Variants in BCAP29 observed in about 807,000 individuals in gnomAD.
The protein encoded by BCAP29 is B cell receptor associated protein 29.
A neutral mutation model predicts 31.8 loss-of-function variants in BCAP29; 34 were observed. That is an observed-to-expected ratio of 1.07 (90% CI 0.81 to 1.42). BCAP29 has a LOEUF of 1.42. Ranked by LOEUF, BCAP29 falls within the 40% of genes most tolerant of loss-of-function variation. The pLI is 0.00. For missense variants in BCAP29, 314 were observed against 269.2 expected, an observed-to-expected ratio of 1.17 and a Z score of -1.16; for synonymous variants, 104 against 91.3, an observed-to-expected ratio of 1.14 and a Z score of -0.79.
rs1203117226 is a variant in BCAP29, at chr7:107,619,991, A to G, written c.*1628A>G. ...ATAAAATTTAGGTCAGGATTACTAT[A>G]TAAACTAAGATAATACAGTGATTCT... is the stretch of plus-strand genomic sequence containing the variant. On this transcript the variant is annotated 3_prime_UTR_variant, in exon 8 of 8. Coordinates refer to ENST00000005259, the MANE Select transcript of BCAP29 (RefSeq NM_018844.4). 6.6e-6 allele frequency: 1 copy of G among 152,226 alleles called. No individual in the cohort carries two copies. Among genetic ancestry groups the G allele is most frequent in the Non-Finnish European group, 1.5e-5 (1 of 68,044 alleles). The allele number at this position is 152,226 out of a possible 1,614,324, so 9.4% of individuals were successfully genotyped here. A position where few individuals can be genotyped will look rare whatever the true frequency, so the allele number is the denominator to read the frequency against.
At chr7:107,583,512 C>A (rs1807079705) in intron 2 of BCAP29, among the ~76,000 whole-genome samples, 1 of 152,034 alleles carries the variant, frequency 6.6e-6, no homozygotes, top group Non-Finnish European at 1.5e-5. Flanking sequence ...ATTGTTAGAA[C>A]AATATATCTT....
intron 7 of BCAP29, chr7:107,615,452 C>A (rs775267415): frequency 2.7e-6 from 1 of 373,740 alleles, no homozygotes; most frequent in Admixed American, 3.1e-5. Context: ...AAAAATTAGC[C>A]GGGCATGGTG....
chr7:107,614,585 A>G (rs2129290723), intron 7 of BCAP29, among the ~76,000 whole-genome samples: 1 of 152,378 alleles, frequency 6.6e-6, no homozygotes, highest in African/African-American at 2.4e-5. Flanking sequence ...TGCTGAAAGA[A>G]TGACTTATTC....
chr7:107,592,247 G>A (rs1809004179), intron 3 of BCAP29, among the ~76,000 whole-genome samples: 1 of 152,052 alleles, frequency 6.6e-6, no homozygotes, highest in Admixed American at 6.5e-5. Flanking sequence ...GACAAATAAA[G>A]CAAATAACCC....
downstream of BCAP29, chr7:107,621,816 A>G (rs1369668538): frequency 5.9e-6 from 3 of 506,936 alleles, no homozygotes; most frequent in East Asian, 1.1e-4. Context: ...GATAAAACTG[A>G]TATTGGACTT....
chr7:107,594,724 G>A (rs887311676), intron 4 of BCAP29, among the ~76,000 whole-genome samples: 4 of 151,942 alleles, frequency 2.6e-5, no homozygotes, highest in African/African-American at 7.3e-5. Context: ...GGATGGTCTC[G>A]ATCTCCTGAC....
At position 107,605,889 on chromosome 7, in the gene BCAP29, A is replaced by G. The variant is rs549690891; in HGVS notation, c.589+5384A>G. Among the ~76,000 whole-genome samples the G allele has an allele frequency of 4.6e-5, 7 of 152,344 alleles. No homozygotes were observed. In the South Asian group the frequency reaches 1.4e-3, roughly 32 times the overall value. ...CAACTCTAGTTTTAAAACACTTTCA[A>G]TTAGGAAAAAACACTAAACTATTAA... On this transcript the variant is annotated intron_variant, in intron 6 of 7. Transcript: ENST00000005259.
intron 6 of BCAP29, among the ~76,000 whole-genome samples, chr7:107,609,085 C>G (rs996409289): frequency 1.3e-5 from 2 of 152,178 alleles, no homozygotes; most frequent in African/African-American, 4.8e-5. Context: ...GAGATCGACA[C>G]TTTCTTGACA....
At chr7:107,621,536 C>A (rs1814971235), downstream of BCAP29, 1 of 367,204 alleles carries the variant, frequency 2.7e-6, no homozygotes, top group South Asian at 2.1e-5. Context: ...TCTTCTATAG[C>A]AAAAGATATG....
intron 3 of BCAP29, among the ~76,000 whole-genome samples, chr7:107,586,155 C>T (rs1427887168): frequency 3.9e-5 from 6 of 152,088 alleles, no homozygotes; most frequent in African/African-American, 1.4e-4. Context: ...ATACATTTTT[C>T]CTATATATAC....
At chr7:107,613,677 A>G (rs750801066) in intron 7 of BCAP29, 8 of 1,606,146 alleles carry the variant, frequency 5.0e-6, no homozygotes, top group Non-Finnish European at 5.1e-6. Context: ...GTGAATTTTT[A>G]AGCAAAAGAA....
chr7:107,591,516 C>T (rs1035878285), intron 3 of BCAP29, among the ~76,000 whole-genome samples: 4 of 152,070 alleles, frequency 2.6e-5, no homozygotes, highest in African/African-American at 9.7e-5. Flanking sequence ...CCAGTCTACC[C>T]TCCAGATTTT....
At chr7:107,614,430 CAAT>C (rs1198366546) in intron 7 of BCAP29, among the ~76,000 whole-genome samples, 5 of 152,130 alleles carry the variant, frequency 3.3e-5, no homozygotes, top group Admixed American at 2.0e-4. Context: ...AAAATTGAAA[CAAT>C]AATGATGCCT....
intron 7 of BCAP29, among the ~76,000 whole-genome samples, chr7:107,616,913 AT>A (rs904293000): frequency 1.3e-5 from 2 of 152,108 alleles, no homozygotes; most frequent in African/African-American, 2.4e-5. Flanking sequence ...TAAGTTGGGT[AT>A]TTTTAGTAGA....
chr7:107,595,966 C>A lies in BCAP29; in HGVS notation c.444C>A (p.Ala148=). ...AAGCAGAAAATACTAACAAGGCTGCCAAAAAATTTATGGAAGAAAACGAAA... is the reference window on the plus strand; with the variant it reads ...AAGCAGAAAATACTAACAAGGCTGCAAAAAAATTTATGGAAGAAAACGAAA... The part of the protein sequence containing the change: ...KTQAENTNKA[A]KKFMEENEKL... Residue 148 remains alanine, a synonymous_variant, in exon 5 of 8, where the codon GCC becomes GCA. Coordinates refer to ENST00000005259, the MANE Select transcript of BCAP29 (RefSeq NM_018844.4). 1 of 1,573,800 alleles carries A rather than the reference C, an allele frequency of 6.4e-7. No individual in the cohort carries two copies. The highest frequency in any genetic ancestry group is 8.6e-7 in the Non-Finnish European group (1 of 1,167,160).
rs1211123112 is a variant in BCAP29 at position 107,590,111 on chromosome 7, T to G, written c.194-3844T>G. ...AATGAAAATACAATATATTAAAATTTTAAGATGCCATTAAAGCACTGCTTA... is the reference window on the plus strand; with the variant it reads ...AATGAAAATACAATATATTAAAATTGTAAGATGCCATTAAAGCACTGCTTA... On this transcript the variant is annotated intron_variant, in intron 3 of 7. Coordinates refer to ENST00000005259, the MANE Select transcript of BCAP29 (RefSeq NM_018844.4). Among the ~76,000 whole-genome samples, 3 of 152,186 alleles carry G rather than the reference T, an allele frequency of 2.0e-5. No individual in the cohort carries two copies. The East Asian group carries it at 5.8e-4, about 29-fold the overall frequency.
At chr7:107,592,310 C>CAA (rs1451616116) in intron 3 of BCAP29, among the ~76,000 whole-genome samples, 1 of 152,070 alleles carries the variant, frequency 6.6e-6, no homozygotes, top group Non-Finnish European at 1.5e-5. Context: ...AGATGATATA[C>CAA]AAATGATCAA....
chr7:107,587,800 G>A (rs532726262), intron 3 of BCAP29: 1 of 151,498 alleles, frequency 6.6e-6, no homozygotes, highest in East Asian at 1.9e-4. Flanking sequence ...ATTATAGAAA[G>A]TTATCAAAAA....
chr7:107,622,046 C>G, downstream of BCAP29: 1 of 436,586 alleles, frequency 2.3e-6, no homozygotes, highest in East Asian at 5.8e-5. Flanking sequence ...TTAGCCATCT[C>G]CTATCTTAGT....
Sources: gnomAD v4.1 joint callset for allele counts (sites outside exome capture counted in the v4.1 genomes callset) on GRCh38, gnomAD v4.1.1 for gene constraint, MANE v1.5 for transcripts, NCBI Gene and HGNC (gene_info 2026-07-23, HGNC 2026-07-21) for gene names.